The following OPCML variants were observed in gnomAD, a reference collection of about 807,000 sequenced individuals.
OPCML encodes opioid binding protein/cell adhesion molecule like, also known as opioid-binding protein/cell adhesion molecule.
A neutral mutation model predicts 37.8 loss-of-function variants in OPCML; 13 were observed. That is an observed-to-expected ratio of 0.34 (90% CI 0.22 to 0.55). The LOEUF (loss-of-function observed/expected upper bound fraction) is 0.55, where lower values mean the gene tolerates loss of function less well. Ranked by LOEUF, OPCML falls within the 20% of genes least tolerant of loss-of-function variation. OPCML has a pLI of 0.91. For missense variants in OPCML, 341 were observed against 435.6 expected (o/e 0.78, Z 1.93); for synonymous variants, 176 against 168.8 (o/e 1.04, Z -0.33).
chr11:132,943,503 C>CA lies in OPCML; in HGVS notation c.62-494dup. The CA allele has an allele frequency of 4.4e-6, 1 of 225,410 alleles. No homozygotes were observed. 14.0% of individuals were successfully genotyped at this position (225,410 alleles called of 1,614,324 possible). On this transcript the variant is annotated intron_variant, in intron 1 of 7. Transcript: ENST00000524381. The surrounding 1 kb of genome is among the most constrained non-coding windows in gnomAD (Gnocchi z 4.3). ...GCTCTGGCATCAAAAGTTTATAACC[C>CA]AAAGAAGAAGGCAAGTGTCTCTGAC...
intron 3 of OPCML, among the ~76,000 whole-genome samples, chr11:132,608,921 T>A (rs1292079203): frequency 6.6e-6 from 1 of 152,114 alleles, no homozygotes; most frequent in Non-Finnish European, 1.5e-5. Flanking sequence ...ATCTGAGATA[T>A]TTTTCTTTCT....
intron 3 of OPCML, among the ~76,000 whole-genome samples, chr11:132,631,499 C>G (rs1226949954): frequency 6.7e-5 from 10 of 150,280 alleles, no homozygotes; most frequent in South Asian, 2.1e-4. Flanking sequence ...TGGCTCTGTC[C>G]CCCAGGCTGG....
intron 1 of OPCML, among the ~76,000 whole-genome samples, chr11:133,476,291 C>T (rs975264207): frequency 3.9e-5 from 6 of 152,062 alleles, no homozygotes; most frequent in Admixed American, 6.6e-5. Context: ...TGCTGTAGAC[C>T]GACCCAAATG....
At chr11:132,797,278 G>T (rs1282091388) in intron 2 of OPCML, among the ~76,000 whole-genome samples, 1 of 152,142 alleles carries the variant, frequency 6.6e-6, no homozygotes, top group Non-Finnish European at 1.5e-5. Context: ...GATTAATTTT[G>T]GTGTATGGTG....
chr11:132,944,695 CT>C (rs1945705834), intron 1 of OPCML, among the ~76,000 whole-genome samples: 1 of 152,184 alleles, frequency 6.6e-6, no homozygotes, highest in Non-Finnish European at 1.5e-5. Flanking sequence ...GACTGGGGTG[CT>C]TTTGGAAGCC....
rs1565467979 is a variant in OPCML, at chr11:133,140,796, A to AGAAGACGACGAC, written c.62-197787_62-197786insGTCGTCGTCTTC. Among the ~76,000 whole-genome samples, 54 of 142,638 alleles carry AGAAGACGACGAC rather than the reference A, an allele frequency of 3.8e-4. 1 individual carries two copies. The highest frequency in any genetic ancestry group is 1.3e-3 in the African/African-American group (50 of 38,176). The allele number at this position is 142,638 out of a possible 152,430, so 93.6% of individuals were successfully genotyped here. A position where few individuals can be genotyped will look rare whatever the true frequency, so the allele number is the denominator to read the frequency against. On this transcript the variant is annotated intron_variant, in intron 1 of 7. Coordinates refer to ENST00000524381, the MANE Select transcript of OPCML (RefSeq NM_001012393.5). ...AAGAAGAAGAAGACGACGAAGAAGA[A>AGAAGACGACGAC]GAAGAAGAAGACGACGACGAAGAAG...
chr11:132,841,227 G>A (rs1424455280), intron 2 of OPCML, among the ~76,000 whole-genome samples: 2 of 152,244 alleles, frequency 1.3e-5, no homozygotes, highest in East Asian at 1.9e-4. Flanking sequence ...CCGAAGTGCC[G>A]CACTCTTGTC....
chr11:133,419,238 G>A (rs1945832321), intron 1 of OPCML: 6 of 985,258 alleles, frequency 6.1e-6, no homozygotes, highest in Non-Finnish European at 7.2e-6. Context: ...TACAGTCATA[G>A]TTGGGAGAGA....
rs200639453 is a variant in OPCML at position 132,548,097 on chromosome 11, CTG to C, written c.380-18913_380-18912del. 6.6e-5 allele frequency among the ~76,000 whole-genome samples: 10 copies of C among 152,258 alleles called. No individual in the cohort carries two copies. The South Asian group carries it at 8.3e-4, about 13-fold the overall frequency. The stretch of plus-strand genomic sequence containing the variant: ...CAAGAGAGTTTAAATTATAAATGGG[CTG>C]TGTGTGCCTGTGGAGACTCAGAATG... On this transcript the variant is annotated intron_variant, in intron 3 of 7. Transcript: ENST00000524381.
At chr11:133,116,000 C>T (rs1478701104) in intron 1 of OPCML, among the ~76,000 whole-genome samples, 12 of 152,004 alleles carry the variant, frequency 7.9e-5, no homozygotes, top group Non-Finnish European at 1.2e-4. Context: ...GACGGGGTCT[C>T]GCTCTGTCAC....
At chr11:133,207,697 G>C (rs889545560) in intron 1 of OPCML, among the ~76,000 whole-genome samples, 2 of 152,294 alleles carry the variant, frequency 1.3e-5, no homozygotes, top group Admixed American at 1.3e-4. Flanking sequence ...CCATAAGTCT[G>C]TCATGTACTA....
At position 133,262,297 on chromosome 11, in the gene OPCML, G is replaced by A. The variant is rs182999753; in HGVS notation, c.61+269967C>T. Among the ~76,000 whole-genome samples the A allele has an allele frequency of 3.7e-4, 56 of 152,290 alleles. 1 individual carries two copies. In the East Asian group the frequency reaches 5.4e-3, roughly 15 times the overall value. The stretch of plus-strand genomic sequence containing the variant: ...AATCTGTTCTCCAGGATAAATGGGC[G>A]AATGCATTCAGAATGCTTAGAAACA... On this transcript the variant is annotated intron_variant, in intron 1 of 7. Coordinates refer to ENST00000524381, the MANE Select transcript of OPCML (RefSeq NM_001012393.5).
rs552561870 is a variant in OPCML, at chr11:132,561,166, T to C, written c.380-31980A>G. On this transcript the variant is annotated intron_variant, in intron 3 of 7. Transcript: ENST00000524381. Reference sequence around the variant, plus strand: ...TTCATTATCTGAAATGACGTGTATGTCCCCATTCCACTTCATCTTCACTAT... The same window carrying C: ...TTCATTATCTGAAATGACGTGTATGCCCCCATTCCACTTCATCTTCACTAT... Among the ~76,000 whole-genome samples, 3 of 152,334 alleles carry C rather than the reference T, an allele frequency of 2.0e-5. No homozygotes were observed. In the East Asian group the frequency reaches 5.8e-4, roughly 29 times the overall value.
intron 1 of OPCML, among the ~76,000 whole-genome samples, chr11:133,429,834 C>T (rs1946081026): frequency 6.6e-6 from 1 of 152,068 alleles, no homozygotes; most frequent in African/African-American, 2.4e-5. Context: ...CTCATTTAGA[C>T]ATCTAGGTGG....
intron 2 of OPCML, among the ~76,000 whole-genome samples, chr11:132,686,422 A>G (rs562270444): frequency 6.6e-6 from 1 of 152,390 alleles, no homozygotes; most frequent in African/African-American, 2.4e-5. Context: ...TGCAGTCTAC[A>G]GAAACTGACT....
chr11:133,464,533 G>A (rs943369280), intron 1 of OPCML, among the ~76,000 whole-genome samples: 3 of 152,172 alleles, frequency 2.0e-5, no homozygotes, highest in African/African-American at 7.2e-5. Context: ...GCTGAAACCT[G>A]AAATATGAGG....
chr11:133,286,007 G>C (rs1942285684), intron 1 of OPCML, among the ~76,000 whole-genome samples: 1 of 152,178 alleles, frequency 6.6e-6, no homozygotes, highest in Non-Finnish European at 1.5e-5. Context: ...AAAAAATATG[G>C]AGAAAGAGAA....
Position 132,853,360 on chromosome 11 carries a change from A to AC in OPCML, c.146+89565_146+89566insG, listed in dbSNP as rs1362651260. On this transcript the variant is annotated intron_variant, in intron 2 of 7. Transcript: ENST00000524381. ...GTGTCAATATTTGGAGGATCTGCAT[A>AC]ACTCTGTAAATCAATATTTTCCAAG... 2.0e-5 allele frequency among the ~76,000 whole-genome samples: 3 copies of AC among 152,306 alleles called. No individual in the cohort carries two copies. In the East Asian group the frequency reaches 5.8e-4, roughly 29 times the overall value.
At chr11:133,499,628 A>G (rs1947861383) in intron 1 of OPCML, among the ~76,000 whole-genome samples, 1 of 151,842 alleles carries the variant, frequency 6.6e-6, no homozygotes, top group South Asian at 2.1e-4. Context: ...TTGGGAGAGA[A>G]TATCTCACAG....
Sources: allele counts gnomAD v4.1 joint callset (sites outside exome capture counted in the v4.1 genomes callset), GRCh38; gene constraint gnomAD v4.1.1; non-coding constraint Gnocchi (gnomAD v3.1); transcripts MANE v1.5; gene names NCBI Gene and HGNC (gene_info 2026-07-23, HGNC 2026-07-21).